TNFSF4: variants seen among roughly 807,000 people sequenced by gnomAD.
TNFSF4 encodes the protein TNF superfamily member 4.
A neutral mutation model predicts 7.3 loss-of-function variants in TNFSF4; 4 were observed. That is an observed-to-expected ratio of 0.55 (90% CI 0.27 to 1.25). The LOEUF (loss-of-function observed/expected upper bound fraction) is 1.25, where lower values mean the gene tolerates loss of function less well. Among genes scored for constraint, TNFSF4 ranks in the 50% most tolerant of loss-of-function variants. TNFSF4 has a pLI of 0.12. For missense variants in TNFSF4, 181 were observed against 208.8 expected, an observed-to-expected ratio of 0.87 and a Z score of 0.82; for synonymous variants, 76 against 83.7, an observed-to-expected ratio of 0.91 and a Z score of 0.50.
At chr1:173,276,740 G>T in the TNFSF4 span, among the ~76,000 whole-genome samples, 1 of 152,146 alleles carries the variant, frequency 6.6e-6, no homozygotes, top group African/African-American at 2.4e-5. Flanking sequence ...TTTAGAAAGG[G>T]AGATTAGAAC....
At chr1:173,310,387 G>T in the TNFSF4 span, among the ~76,000 whole-genome samples, 1 of 151,812 alleles carries the variant, frequency 6.6e-6, no homozygotes, top group Admixed American at 6.6e-5. Context: ...TTTCCATTGT[G>T]ATTTTTAAAT....
At chr1:173,408,776 CG>C in the TNFSF4 span, among the ~76,000 whole-genome samples, 2 of 151,804 alleles carry the variant, frequency 1.3e-5, no homozygotes, top group Admixed American at 1.3e-4. Context: ...TTAGTAGAGA[CG>C]GGGGGTTTCA....
the TNFSF4 span, among the ~76,000 whole-genome samples, chr1:173,236,666 A>T: frequency 1.3e-5 from 2 of 152,272 alleles, no homozygotes; most frequent in South Asian, 4.1e-4. Flanking sequence ...AAAACCAATA[A>T]AATCCTGCCA....
the TNFSF4 span, among the ~76,000 whole-genome samples, chr1:173,422,417 G>C: frequency 1.3e-5 from 2 of 151,552 alleles, no homozygotes; most frequent in Non-Finnish European, 2.9e-5. Flanking sequence ...CTATGTGCCA[G>C]CCTTAAAGGG....
At chr1:173,370,760 G>C in the TNFSF4 span, among the ~76,000 whole-genome samples, 6 of 151,606 alleles carry the variant, frequency 4.0e-5, no homozygotes, top group Admixed American at 6.6e-5. Context: ...GGAACAGGCT[G>C]AAAAGGAAAA....
chr1:173,433,155 C>T, the TNFSF4 span, among the ~76,000 whole-genome samples: 2 of 152,122 alleles, frequency 1.3e-5, no homozygotes, highest in African/African-American at 4.8e-5. Context: ...ATTCACTAAC[C>T]CTTTGAAGGC....
chr1:173,316,039 CTT>C, the TNFSF4 span, among the ~76,000 whole-genome samples: 1 of 152,092 alleles, frequency 6.6e-6, no homozygotes, highest in African/African-American at 2.4e-5. Context: ...GCATTTAAGA[CTT>C]TAATCCATTT....
the TNFSF4 span, among the ~76,000 whole-genome samples, chr1:173,324,371 C>T: frequency 6.6e-6 from 1 of 152,118 alleles, no homozygotes; most frequent in Non-Finnish European, 1.5e-5. Flanking sequence ...AAGCACTAAA[C>T]ATGGAAAGGA....
At chr1:173,362,692 G>C in the TNFSF4 span, 2 of 410,380 alleles carry the variant, frequency 4.9e-6, no homozygotes, top group African/African-American at 2.1e-5. Flanking sequence ...CCTCATTAAT[G>C]CTGTCAGAGG....
chr1:173,205,001 A>T (rs193177654), intron 1 of TNFSF4, among the ~76,000 whole-genome samples: 35 of 152,234 alleles, frequency 2.3e-4, no homozygotes, highest in African/African-American at 7.7e-4. Flanking sequence ...GGGAAAACAC[A>T]CACAACCCAT....
chr1:173,381,050 C>T, the TNFSF4 span, among the ~76,000 whole-genome samples: 1 of 152,162 alleles, frequency 6.6e-6, no homozygotes, highest in East Asian at 1.9e-4. Flanking sequence ...ACAACTAATA[C>T]CCCTACTTAT....
chr1:173,351,968 G>A, the TNFSF4 span: 1 of 506,894 alleles, frequency 2.0e-6, no homozygotes, highest in Non-Finnish European at 3.6e-6. Flanking sequence ...GAAAGGAAAA[G>A]GGCAAATACA....
At chr1:173,350,168 A>G in the TNFSF4 span, among the ~76,000 whole-genome samples, 1 of 152,230 alleles carries the variant, frequency 6.6e-6, no homozygotes, top group African/African-American at 2.4e-5. Context: ...TGAAGGCTAC[A>G]TAAAACAAAA....
chr1:173,368,633 G>A, the TNFSF4 span, among the ~76,000 whole-genome samples: 1 of 152,100 alleles, frequency 6.6e-6, no homozygotes, highest in African/African-American at 2.4e-5. Flanking sequence ...ACCAGATTCC[G>A]CTTTCCCTGT....
chr1:173,249,896 C>G, the TNFSF4 span, among the ~76,000 whole-genome samples: 2 of 152,158 alleles, frequency 1.3e-5, no homozygotes, highest in African/African-American at 2.4e-5. Context: ...TTGGGTGATA[C>G]TGGCAGTATC....
chr1:173,322,933 C>A, the TNFSF4 span, among the ~76,000 whole-genome samples: 1 of 152,204 alleles, frequency 6.6e-6, no homozygotes, highest in African/African-American at 2.4e-5. Context: ...GGAGGCCTGC[C>A]TGCCTCTATA....
At chr1:173,222,777 G>T in the TNFSF4 span, among the ~76,000 whole-genome samples, 28 of 152,212 alleles carry the variant, frequency 1.8e-4, no homozygotes, top group African/African-American at 6.5e-4. Context: ...TATTAAAGGT[G>T]AAATGAAAAT....
chr1:173,351,870 C>A, the TNFSF4 span: 1 of 593,618 alleles, frequency 1.7e-6, no homozygotes. Flanking sequence ...TGTAGGCATT[C>A]ACCCCAGCAA....
intron 1 of TNFSF4, 97 bp from the exon 2 acceptor site, chr1:173,188,666 G>T: frequency 9.9e-7 from 1 of 1,010,692 alleles, no homozygotes; most frequent in Non-Finnish European, 1.5e-6. Context: ...AAATGCAGTA[G>T]CCTGTAGAGA....
Sources: gnomAD v4.1 joint callset for allele counts (sites outside exome capture counted in the v4.1 genomes callset) on GRCh38, gnomAD v4.1.1 for gene constraint, MANE v1.5 for transcripts, NCBI Gene and HGNC (gene_info 2026-07-23, HGNC 2026-07-21) for gene names.